Variants in ARHGAP26 observed in about 807,000 individuals in gnomAD.
The protein encoded by ARHGAP26 is Rho GTPase activating protein 26, also known as rho GTPase-activating protein 26.
ARHGAP26 carries 38 observed loss-of-function variants against 104.8 expected under a neutral mutation model. The ratio of observed to expected loss-of-function variants is 0.36; its 90% CI spans 0.28 to 0.48. ARHGAP26 has a LOEUF of 0.48. Among genes scored for constraint, ARHGAP26 ranks in the 20% least tolerant of loss-of-function variants. ARHGAP26 has a pLI of 0.99. For synonymous variants in ARHGAP26, 341 were observed against 340.0 expected (o/e 1.00, Z -0.03); for missense variants, 704 against 947.9 (o/e 0.74, Z 3.38).
At chr5:143,097,916 C>T (rs565618248) in intron 17 of ARHGAP26, among the ~76,000 whole-genome samples, 2 of 151,132 alleles carry the variant, frequency 1.3e-5, no homozygotes, top group African/African-American at 2.4e-5. Context: ...TTGGTGACAA[C>T]GTTCAGTGGG....
intron 7 of ARHGAP26, among the ~76,000 whole-genome samples, chr5:142,902,281 TTA>T (rs1429765572): frequency 1.3e-5 from 2 of 152,196 alleles, no homozygotes; most frequent in Non-Finnish European, 2.9e-5. Context: ...CTGCTGCTGG[TTA>T]TGTTTCAAAT....
intron 9 of ARHGAP26, among the ~76,000 whole-genome samples, chr5:142,911,285 C>G (rs1184878853): frequency 1.3e-5 from 2 of 152,156 alleles, no homozygotes; most frequent in Non-Finnish European, 2.9e-5. Context: ...CTCTGTCACT[C>G]CTCAAAGTCT....
intron 1 of ARHGAP26, among the ~76,000 whole-genome samples, chr5:142,869,498 A>G (rs571337625): frequency 6.6e-6 from 1 of 152,162 alleles, no homozygotes; most frequent in East Asian, 1.9e-4. Context: ...ATCACTTTCT[A>G]AGTCCAAAGG....
chr5:142,903,585 A>T lies in ARHGAP26; in HGVS notation c.748A>T (p.Met250Leu). The T allele has an allele frequency of 1.2e-6, 2 of 1,614,072 alleles. No individual in the cohort carries two copies. The highest frequency in any genetic ancestry group is 8.5e-7 in the Non-Finnish European group (1 of 1,179,926). The change falls in exon 8 of 23, where the codon ATG (methionine) becomes TTG (leucine). Residue 250 changes from methionine to leucine, a missense_variant. Around this residue, in one of 6 missense-constraint regions of ARHGAP26, gnomAD observed 287 missense variants for 438.8 expected, o/e 0.65. Transcript: ENST00000645722. ...CACTAGATCAGAAGTGGAATCACTG[A>T]TGAAAAAGATGAAGGAGAATCCCCT... ...EGTRSEVESL[M>L]KKMKENPLEH...
intron 5 of ARHGAP26, among the ~76,000 whole-genome samples, chr5:142,890,418 C>T (rs1598105888): frequency 1.3e-5 from 2 of 150,668 alleles, no homozygotes; most frequent in South Asian, 4.2e-4. Context: ...CATGCTGGAG[C>T]ATGGTGACAG....
Position 142,770,713 on chromosome 5 carries a change from GC to G in ARHGAP26, c.-46del, listed in dbSNP as rs1288058901. The G allele has an allele frequency of 8.8e-7, 1 of 1,135,268 alleles. No individual in the cohort carries two copies. The highest frequency in any genetic ancestry group is 1.1e-6 in the Non-Finnish European group (1 of 921,418). 70.3% of individuals were successfully genotyped at this position (1,135,268 alleles called of 1,614,324 possible). A position where few individuals can be genotyped will look rare whatever the true frequency, so the allele number is the denominator to read the frequency against. Reference sequence around the variant, plus strand: ...GCGTGAGTGCTCTGGGCGGCGGGCGGCCCGGGCCCCGGCGGAGGCGCGCCCC... The same window carrying G: ...GCGTGAGTGCTCTGGGCGGCGGGCGGCCGGGCCCCGGCGGAGGCGCGCCCC... On this transcript the variant is annotated 5_prime_UTR_variant, in exon 1 of 23. Coordinates refer to ENST00000645722, the MANE Select transcript of ARHGAP26 (RefSeq NM_001135608.3).
chr5:142,937,866 A>C (rs558440270), intron 11 of ARHGAP26, among the ~76,000 whole-genome samples: 40 of 152,296 alleles, frequency 2.6e-4, no homozygotes, highest in African/African-American at 9.6e-4. Context: ...AGTGATATCC[A>C]GGGTATACGG....
intron 18 of ARHGAP26, among the ~76,000 whole-genome samples, chr5:143,131,973 T>TA (rs1027813859): frequency 6.6e-6 from 1 of 152,212 alleles, no homozygotes; most frequent in African/African-American, 2.4e-5. Context: ...ATAGCACTGG[T>TA]AAACTTGTTT....
intron 1 of ARHGAP26, among the ~76,000 whole-genome samples, chr5:142,828,250 C>T (rs1767691588): frequency 6.6e-6 from 1 of 152,230 alleles, no homozygotes; most frequent in Non-Finnish European, 1.5e-5. Context: ...GACATCTCCA[C>T]CCTTTCTTAT....
At chr5:142,935,206 AC>A (rs1244095731) in intron 11 of ARHGAP26, among the ~76,000 whole-genome samples, 1 of 152,222 alleles carries the variant, frequency 6.6e-6, no homozygotes, top group Non-Finnish European at 1.5e-5. Context: ...CTGGGAACTT[AC>A]ATAATATTTG....
intron 10 of ARHGAP26, among the ~76,000 whole-genome samples, chr5:142,917,080 C>T (rs1055495906): frequency 6.6e-6 from 1 of 150,930 alleles, no homozygotes; most frequent in African/African-American, 2.4e-5. Context: ...TGCTCTGTTG[C>T]CCAGGCCGGA....
At chr5:142,926,601 C>T (rs183101481) in intron 10 of ARHGAP26, among the ~76,000 whole-genome samples, 1 of 152,170 alleles carries the variant, frequency 6.6e-6, no homozygotes. Context: ...CACTTTGTTG[C>T]GTTACTCAGG....
At position 143,168,368 on chromosome 5, in the gene ARHGAP26, A is replaced by G. The variant is rs1381901573; in HGVS notation, c.1988+20987A>G. ...CATCTTTTGTCAATTTATTTCATGT[A>G]ATTGACTTGCCTGAGACGTTCCCTA... is the stretch of plus-strand genomic sequence containing the variant. On this transcript the variant is annotated intron_variant, in intron 20 of 22. Transcript: ENST00000645722. Among the ~76,000 whole-genome samples the G allele has an allele frequency of 2.7e-5, 4 of 145,750 alleles. No homozygotes were observed. The Admixed American group carries it at 2.8e-4, about 10-fold the overall frequency.
At chr5:143,188,975 A>T (rs967079398) in intron 20 of ARHGAP26, among the ~76,000 whole-genome samples, 4 of 152,222 alleles carry the variant, frequency 2.6e-5, no homozygotes, top group African/African-American at 9.6e-5. Context: ...CCAAAATGGA[A>T]CAAGCGACAT....
intron 12 of ARHGAP26, among the ~76,000 whole-genome samples, chr5:143,029,264 G>A (rs1781502366): frequency 2.0e-5 from 3 of 152,108 alleles, no homozygotes; most frequent in African/African-American, 7.2e-5. Flanking sequence ...TCTATAAAGA[G>A]CAAATCACAT....
chr5:142,802,287 T>A (rs1762218442), intron 1 of ARHGAP26, among the ~76,000 whole-genome samples: 1 of 152,220 alleles, frequency 6.6e-6, no homozygotes, highest in Non-Finnish European at 1.5e-5. Flanking sequence ...TTAGCAGGAT[T>A]TACCTTGTTT....
At chr5:142,886,342 G>A (rs546033644) in intron 5 of ARHGAP26, among the ~76,000 whole-genome samples, 116 of 152,294 alleles carry the variant, frequency 7.6e-4, no homozygotes, top group African/African-American at 2.7e-3. Flanking sequence ...AAGTAACTCA[G>A]GAGATGGTGG....
chr5:143,227,929 G>A lies in ARHGAP26; in HGVS notation c.*5483G>A, dbSNP rs1275489161. 2 of 220,856 alleles carry A rather than the reference G, an allele frequency of 9.1e-6. No homozygotes were observed. Among genetic ancestry groups the A allele is most frequent in the African/African-American group, 2.2e-5 (1 of 44,648 alleles). 13.7% of individuals were successfully genotyped at this position (220,856 alleles called of 1,614,324 possible). On this transcript the variant is annotated 3_prime_UTR_variant, in exon 23 of 23. Coordinates refer to ENST00000645722, the MANE Select transcript of ARHGAP26 (RefSeq NM_001135608.3). Reference sequence around the variant, plus strand: ...CAAAAGTTGTGCCAGACATTACAGAGTGAAAACGTCTCTCAAGGTGGAATG... The same window carrying A: ...CAAAAGTTGTGCCAGACATTACAGAATGAAAACGTCTCTCAAGGTGGAATG...
intron 20 of ARHGAP26, among the ~76,000 whole-genome samples, chr5:143,176,487 T>C (rs2151160879): frequency 6.6e-6 from 1 of 152,328 alleles, no homozygotes; most frequent in East Asian, 1.9e-4. Flanking sequence ...AGTTTTTGTG[T>C]CCCTCCTCTG....
Sources: allele counts gnomAD v4.1 joint callset (sites outside exome capture counted in the v4.1 genomes callset), GRCh38; gene constraint gnomAD v4.1.1; regional missense constraint gnomAD v4.1.1; transcripts MANE v1.5; gene names NCBI Gene and HGNC (gene_info 2026-07-23, HGNC 2026-07-21).